Variants in ASIP observed in about 807,000 individuals in gnomAD.
ASIP encodes agouti signaling protein.
In ASIP, 11 loss-of-function variants were observed where a neutral mutation model predicts 10.3. That is an observed-to-expected ratio of 1.07 (90% CI 0.68 to 1.78). The LOEUF is 1.78. Ranked by LOEUF, ASIP falls within the 40% of genes most tolerant of loss-of-function variation. The pLI, the probability that ASIP is intolerant of heterozygous loss-of-function variation, is 0.00. For missense variants in ASIP, 180 were observed against 169.2 expected, an observed-to-expected ratio of 1.06 and a Z score of -0.35; for synonymous variants, 70 against 70.8, an observed-to-expected ratio of 0.99 and a Z score of 0.06.
At chr20:34,191,911 A>C (rs2034826472), upstream of ASIP, among the ~76,000 whole-genome samples, 2 of 151,702 alleles carry the variant, frequency 1.3e-5, no homozygotes, top group Non-Finnish European at 2.9e-5. Flanking sequence ...TTCTATTTTT[A>C]ATAGAGACGG....
intron 1 of ASIP, among the ~76,000 whole-genome samples, chr20:34,224,022 A>G (rs1416618285): frequency 4.0e-5 from 5 of 123,676 alleles, no homozygotes; most frequent in African/African-American, 1.2e-4. Context: ...TGAAGGCAGC[A>G]TGCTCGTTAA....
At chr20:34,234,992 G>A (rs1054066919) in intron 1 of ASIP, 1 of 152,084 alleles carries the variant, frequency 6.6e-6, no homozygotes, top group African/African-American at 2.4e-5. Context: ...AAAATCCATG[G>A]CTAATGTTGC....
intron 1 of ASIP, among the ~76,000 whole-genome samples, chr20:34,255,589 C>A (rs2035553595): frequency 6.6e-6 from 1 of 152,160 alleles, no homozygotes. Flanking sequence ...ATATGAATAT[C>A]ATTAATCATT....
chr20:34,215,053 T>C (rs1344159253), intron 1 of ASIP: 2 of 1,523,524 alleles, frequency 1.3e-6, no homozygotes, highest in Non-Finnish European at 9.1e-7. Context: ...TTCTTCCTGG[T>C]CAATGCTGAA....
rs1167531729 is a variant in ASIP at position 34,244,173 on chromosome 20, G to A, written c.-11+2684G>A. Among the ~76,000 whole-genome samples, 8 of 152,306 alleles carry A rather than the reference G, an allele frequency of 5.3e-5. 1 individual carries two copies. Among genetic ancestry groups the A allele is most frequent in the Admixed American group, 6.5e-5 (1 of 15,300 alleles). On this transcript the variant is annotated intron_variant, in intron 1 of 3. Coordinates refer to ENST00000374954, the MANE Select transcript of ASIP (RefSeq NM_001672.3). ...TCTTAGAAGTGTCCGCAGCAATTTA[G>A]AACAAACACCGCAAGTCTTCCTTCC...
chr20:34,216,026 A>C (rs77831801), intron 1 of ASIP: 2 of 663,316 alleles, frequency 3.0e-6, no homozygotes, highest in Non-Finnish European at 5.5e-6. Context: ...AGCGGAACGG[A>C]GCCGAGCGGC....
At chr20:34,222,838 C>T (rs1445975177) in intron 1 of ASIP, among the ~76,000 whole-genome samples, 7 of 152,178 alleles carry the variant, frequency 4.6e-5, no homozygotes, top group East Asian at 1.9e-4. Context: ...CTGTGTTGGC[C>T]GGGCCGGTCT....
intron 1 of ASIP, among the ~76,000 whole-genome samples, chr20:34,235,510 A>C (rs914270976): frequency 6.6e-5 from 10 of 152,152 alleles, no homozygotes; most frequent in Admixed American, 6.5e-4. Flanking sequence ...CGAAGGTTCT[A>C]TATGGGATAT....
intron 1 of ASIP, among the ~76,000 whole-genome samples, chr20:34,201,099 T>A (rs1568744616): frequency 6.6e-6 from 1 of 150,934 alleles, no homozygotes; most frequent in Non-Finnish European, 1.5e-5. Context: ...AAAAGAAAGC[T>A]AAAAGTATAC....
chr20:34,243,233 A>T (rs944678696), intron 1 of ASIP, among the ~76,000 whole-genome samples: 1 of 152,074 alleles, frequency 6.6e-6, no homozygotes, highest in Non-Finnish European at 1.5e-5. Context: ...CTAACTCAGG[A>T]CCCCTCAGGC....
intron 1 of ASIP, among the ~76,000 whole-genome samples, chr20:34,204,520 GT>G (rs2034922433): frequency 6.6e-6 from 1 of 152,062 alleles, no homozygotes; most frequent in Admixed American, 6.6e-5. Flanking sequence ...CTCCTGGCCC[GT>G]TTTTTAACTT....
At chr20:34,259,024 G>A (rs2035642345) in intron 1 of ASIP, among the ~76,000 whole-genome samples, 2 of 148,622 alleles carry the variant, frequency 1.3e-5, no homozygotes, top group Non-Finnish European at 3.0e-5. Context: ...GTAATAGAGT[G>A]AGCCTTCATC....
intron 1 of ASIP, chr20:34,213,347 AG>A: frequency 5.8e-6 from 3 of 520,712 alleles, no homozygotes; most frequent in Non-Finnish European, 1.0e-5. Flanking sequence ...ATGCTTTTAT[AG>A]CAGCACAAAA....
intron 1 of ASIP, among the ~76,000 whole-genome samples, chr20:34,222,974 A>G (rs1306770866): frequency 4.6e-5 from 7 of 151,740 alleles, no homozygotes; most frequent in East Asian, 2.0e-4. Context: ...ATCTCGGCTC[A>G]CTACAACCTA....
intron 1 of ASIP, among the ~76,000 whole-genome samples, chr20:34,199,287 A>AGAT (rs2122534082): frequency 6.6e-6 from 1 of 152,182 alleles, no homozygotes; most frequent in African/African-American, 2.4e-5. Context: ...AGCATTAGGA[A>AGAT]CATCTGTGAA....
chr20:34,210,517 C>T (rs1481732150), intron 1 of ASIP, among the ~76,000 whole-genome samples: 2 of 152,256 alleles, frequency 1.3e-5, no homozygotes, highest in African/African-American at 4.8e-5. Context: ...TGCTTGCTCA[C>T]TCACACACCT....
chr20:34,267,006 A>C (rs768726116), intron 3 of ASIP, among the ~76,000 whole-genome samples: 1 of 152,206 alleles, frequency 6.6e-6, no homozygotes, highest in African/African-American at 2.4e-5. Flanking sequence ...GCACTGTGTG[A>C]TCTTGAAAGT....
At chr20:34,209,959 C>T (rs1027721640) in intron 1 of ASIP, among the ~76,000 whole-genome samples, 1 of 152,186 alleles carries the variant, frequency 6.6e-6, no homozygotes, top group Non-Finnish European at 1.5e-5. Flanking sequence ...TGTGCACTTC[C>T]TCCCTTTTGA....
At chr20:34,193,130 G>C (rs1219880038), upstream of ASIP, among the ~76,000 whole-genome samples, 1 of 152,164 alleles carries the variant, frequency 6.6e-6, no homozygotes, top group Admixed American at 6.5e-5. Context: ...AGCTTCTCCA[G>C]AAGTGGCAAA....
Sources: allele counts gnomAD v4.1 joint callset (sites outside exome capture counted in the v4.1 genomes callset), GRCh38; gene constraint gnomAD v4.1.1; transcripts MANE v1.5; gene names NCBI Gene and HGNC (gene_info 2026-07-23, HGNC 2026-07-21).